KIF6: variants seen among roughly 807,000 people sequenced by gnomAD.
KIF6 encodes kinesin-like protein KIF6.
A neutral mutation model predicts 112.7 loss-of-function variants in KIF6; 106 were observed. That is an observed-to-expected ratio of 0.94 (90% CI 0.80 to 1.11). The LOEUF (loss-of-function observed/expected upper bound fraction) is 1.11. Ranked by LOEUF, KIF6 falls within the 50% of genes least tolerant of loss-of-function variation. The probability of loss-of-function intolerance (pLI) is 0.00; values close to 1 mark genes in which losing one functional copy is unlikely to be tolerated. For missense variants in KIF6, 929 were observed against 964.0 expected (o/e 0.96, Z 0.48); for synonymous variants, 339 against 339.9 (o/e 1.00, Z 0.03).
intron 6 of KIF6, among the ~76,000 whole-genome samples, chr6:39,600,413 T>C (rs1782507078): frequency 6.6e-6 from 1 of 152,150 alleles, no homozygotes; most frequent in Non-Finnish European, 1.5e-5. Context: ...TCAAGGAACT[T>C]ACAATCTAGT....
chr6:39,363,026 A>G (rs916582444), intron 16 of KIF6, among the ~76,000 whole-genome samples: 1 of 151,720 alleles, frequency 6.6e-6, no homozygotes, highest in Non-Finnish European at 1.5e-5. Context: ...GCGGGCGCCT[A>G]TAATCCCAGC....
Position 39,428,024 on chromosome 6 carries a change from G to A in KIF6, c.1754+3029C>T, listed in dbSNP as rs185491462. Among the ~76,000 whole-genome samples, 6 of 152,294 alleles carry A rather than the reference G, an allele frequency of 3.9e-5. No homozygotes were observed. The East Asian group carries it at 5.8e-4, about 15-fold the overall frequency. On this transcript the variant is annotated intron_variant, in intron 14 of 22. Transcript: ENST00000287152. Reference sequence around the variant, plus strand: ...TTTGAGCATGTGTAAGAATCACTTGGTAATTTTTTTCTAACCTGTAGTGTT... The same window carrying A: ...TTTGAGCATGTGTAAGAATCACTTGATAATTTTTTTCTAACCTGTAGTGTT...
intron 10 of KIF6, among the ~76,000 whole-genome samples, chr6:39,563,067 A>G (rs1441349962): frequency 2.0e-5 from 3 of 152,044 alleles, no homozygotes; most frequent in African/African-American, 7.2e-5. Context: ...ATGGTGAAAC[A>G]CCATCTCTAC....
At chr6:39,498,812 A>C (rs1425162542) in intron 13 of KIF6, among the ~76,000 whole-genome samples, 2 of 152,198 alleles carry the variant, frequency 1.3e-5, no homozygotes, top group African/African-American at 4.8e-5. Context: ...TATAAAAAAC[A>C]GCTAGTAAGG....
At chr6:39,611,065 G>T (rs1783187945) in intron 6 of KIF6, among the ~76,000 whole-genome samples, 1 of 152,196 alleles carries the variant, frequency 6.6e-6, no homozygotes, top group Non-Finnish European at 1.5e-5. Context: ...CCAGCATTTG[G>T]GAGGCTGAGG....
chr6:39,664,839 A>C (rs1015903635), intron 3 of KIF6, among the ~76,000 whole-genome samples: 2 of 152,186 alleles, frequency 1.3e-5, no homozygotes, highest in Admixed American at 1.3e-4. Context: ...GAAGATCAAA[A>C]TCTGGGAAGA....
intron 22 of KIF6, among the ~76,000 whole-genome samples, chr6:39,339,547 CTTGTGG>C (rs71868550): frequency 0.062 from 9,502 of 152,148 alleles, 356 homozygotes; most frequent in African/African-American, 0.077. Context: ...AGAAGACAGA[CTTGTGG>C]TTATGGGGGT....
chr6:39,474,693 G>A (rs1328870886), intron 13 of KIF6, among the ~76,000 whole-genome samples: 1 of 152,244 alleles, frequency 6.6e-6, no homozygotes, highest in Non-Finnish European at 1.5e-5. Context: ...GAGGAACTCT[G>A]GGTATGTGGC....
intron 15 of KIF6, among the ~76,000 whole-genome samples, chr6:39,399,130 AT>A (rs2150336335): frequency 1.3e-5 from 2 of 152,246 alleles, no homozygotes; most frequent in East Asian, 3.9e-4. Context: ...AGCCCCTACA[AT>A]CTCATGAGCC....
intron 10 of KIF6, among the ~76,000 whole-genome samples, chr6:39,568,893 T>C (rs1240439415): frequency 6.6e-6 from 1 of 152,076 alleles, no homozygotes; most frequent in Non-Finnish European, 1.5e-5. Flanking sequence ...TAGGACAGAG[T>C]TCAGTCATGT....
chr6:39,357,345 A>G lies in KIF6; in HGVS notation c.2112T>C (p.Asp704=). The change falls in exon 19 of 23, where the codon GAT becomes GAC. Residue 704 remains aspartate (D), a synonymous_variant. Coordinates refer to ENST00000287152, the MANE Select transcript of KIF6 (RefSeq NM_145027.6). The part of the protein sequence containing the change: ...QVNSPAVNSL[D]HTKPFLQTSD... ...ATGTCTGGAGAAATGGCTTCGTGTG[A>G]TCGAGTGAATTCACTGCTGGAGAAT... 1 of 1,613,656 alleles carries G rather than the reference A, an allele frequency of 6.2e-7. No individual in the cohort carries two copies. Among genetic ancestry groups the G allele is most frequent in the Non-Finnish European group, 8.5e-7 (1 of 1,179,680 alleles).
intron 3 of KIF6, among the ~76,000 whole-genome samples, chr6:39,654,604 T>C (rs1371852884): frequency 1.3e-5 from 2 of 152,212 alleles, no homozygotes; most frequent in African/African-American, 4.8e-5. Flanking sequence ...AATTAACAAA[T>C]GCTTGTTAAA....
chr6:39,720,774 CTAGG>C lies in KIF6; in HGVS notation c.100_103del (p.Pro34AlafsTer15). 6.2e-7 allele frequency: 1 copy of C among 1,605,816 alleles called. No individual in the cohort carries two copies. Among genetic ancestry groups the C allele is most frequent in the Non-Finnish European group, 8.5e-7 (1 of 1,172,598 alleles). Reference sequence around the variant, plus strand: ...ATCACGTGGTAAGATGATTTCCAAGCTAGGTATTAATTTTTCATCTTCATCTATG... The same window carrying C: ...ATCACGTGGTAAGATGATTTCCAAGCTATTAATTTTTCATCTTCATCTATG... On this transcript the variant is annotated frameshift_variant, in exon 2 of 23. Coordinates refer to ENST00000287152, the MANE Select transcript of KIF6 (RefSeq NM_145027.6). LOFTEE classifies it high-confidence loss of function.
intron 10 of KIF6, among the ~76,000 whole-genome samples, chr6:39,561,815 C>G (rs1466477041): frequency 6.6e-6 from 1 of 152,194 alleles, no homozygotes; most frequent in African/African-American, 2.4e-5. Flanking sequence ...AGGGAGTCCC[C>G]AGACAGGAAC....
intron 3 of KIF6, among the ~76,000 whole-genome samples, chr6:39,681,626 T>C (rs1787521400): frequency 6.6e-6 from 1 of 152,090 alleles, no homozygotes; most frequent in Non-Finnish European, 1.5e-5. Flanking sequence ...ATGTAAAATA[T>C]CAGGGAGGCT....
intron 3 of KIF6, among the ~76,000 whole-genome samples, chr6:39,697,838 G>A (rs902952602): frequency 1.3e-5 from 2 of 152,074 alleles, no homozygotes; most frequent in African/African-American, 2.4e-5. Flanking sequence ...ATGAGCCACC[G>A]TGCCCGGCCT....
intron 12 of KIF6, among the ~76,000 whole-genome samples, chr6:39,540,538 G>A (rs1254066538): frequency 6.6e-6 from 1 of 152,182 alleles, no homozygotes; most frequent in Admixed American, 6.5e-5. Flanking sequence ...GTAGACAATA[G>A]GCTATGTATA....
intron 16 of KIF6, among the ~76,000 whole-genome samples, chr6:39,363,277 G>T (rs142727159): frequency 6.6e-6 from 1 of 152,154 alleles, no homozygotes; most frequent in East Asian, 1.9e-4. Context: ...CCTCAGAATC[G>T]TGTCTCCTGT....
intron 12 of KIF6, chr6:39,544,353 C>A: frequency 4.6e-6 from 2 of 432,358 alleles, no homozygotes; most frequent in Non-Finnish European, 8.0e-6. Flanking sequence ...AGGATAAAAA[C>A]AAACACATTT....
Sources: allele counts gnomAD v4.1 joint callset (sites outside exome capture counted in the v4.1 genomes callset), GRCh38; gene constraint gnomAD v4.1.1; transcripts MANE v1.5; gene names NCBI Gene and HGNC (gene_info 2026-07-23, HGNC 2026-07-21).